Variants in EPHA6 observed in about 807,000 individuals in gnomAD.
EPHA6 encodes ephrin type-A receptor 6.
EPHA6 carries 50 observed loss-of-function variants against 112.0 expected under a neutral mutation model. That is an observed-to-expected ratio of 0.45 (90% CI 0.36 to 0.56). The LOEUF (loss-of-function observed/expected upper bound fraction) is 0.56, where lower values mean the gene tolerates loss of function less well. Ranked by LOEUF, EPHA6 falls within the 20% of genes least tolerant of loss-of-function variation. EPHA6 has a pLI of 0.00. For missense variants in EPHA6, 1,280 were observed against 1,417.4 expected (o/e 0.90, Z 1.56); for synonymous variants, 529 against 490.7 (o/e 1.08, Z -1.03).
chr3:97,251,407 G>A (rs1233766981), intron 5 of EPHA6, among the ~76,000 whole-genome samples: 2 of 151,908 alleles, frequency 1.3e-5, no homozygotes, highest in Non-Finnish European at 1.5e-5. Context: ...GCAGGCACCT[G>A]TAGTCCCAGC....
intron 5 of EPHA6, among the ~76,000 whole-genome samples, chr3:97,300,175 A>G (rs1001158873): frequency 3.3e-5 from 5 of 152,194 alleles, no homozygotes; most frequent in Non-Finnish European, 5.9e-5. Context: ...GTCGCCTTTT[A>G]TCACAAAAAT....
chr3:97,619,158 CAAA>C (rs34024498), intron 13 of EPHA6, among the ~76,000 whole-genome samples: 46,129 of 151,652 alleles, frequency 0.3, 9,938 homozygotes, highest in African/African-American at 0.57. Context: ...GAACTAAAAA[CAAA>C]AACCACATGA....
intron 13 of EPHA6, among the ~76,000 whole-genome samples, chr3:97,612,825 T>A (rs1156524234): frequency 6.6e-6 from 1 of 152,030 alleles, no homozygotes; most frequent in Non-Finnish European, 1.5e-5. Flanking sequence ...CTCATCCACC[T>A]CATACAATTA....
chr3:96,886,329 G>A lies in EPHA6; in HGVS notation c.450+19440G>A, dbSNP rs528029901. ...TCTGTCTCATTTCTTAGGTCTATGA[G>A]TAATTGTTTTATAAATTTGGGAGCT... On this transcript the variant is annotated intron_variant, in intron 2 of 17. Transcript: ENST00000389672. Among the ~76,000 whole-genome samples, 7 of 152,272 alleles carry A rather than the reference G, an allele frequency of 4.6e-5. No individual in the cohort carries two copies. In the South Asian group the frequency reaches 1.5e-3, roughly 32 times the overall value.
intron 12 of EPHA6, among the ~76,000 whole-genome samples, chr3:97,595,506 A>G (rs992838977): frequency 6.6e-6 from 1 of 152,000 alleles, no homozygotes; most frequent in Non-Finnish European, 1.5e-5. Context: ...TTAGCTGGGC[A>G]TGGTGGCGGG....
intron 3 of EPHA6, among the ~76,000 whole-genome samples, chr3:97,176,856 CT>C (rs1263961327): frequency 6.6e-6 from 1 of 150,578 alleles, no homozygotes; most frequent in Non-Finnish European, 1.5e-5. Flanking sequence ...TTTCATTGAT[CT>C]TTTGTATTTT....
rs180884012 is a variant in EPHA6, at chr3:97,244,712, A to G, written c.1606+425A>G. On this transcript the variant is annotated intron_variant, in intron 5 of 17. Coordinates refer to ENST00000389672, the MANE Select transcript of EPHA6 (RefSeq NM_001080448.3). Reference sequence around the variant, plus strand: ...ATTTTTAAAACTATAATTCATGTCTATATTATGAAAGCATTCCAACTAATA... The same window carrying G: ...ATTTTTAAAACTATAATTCATGTCTGTATTATGAAAGCATTCCAACTAATA... 174 of 182,702 alleles carry G rather than the reference A, an allele frequency of 9.5e-4. 2 individuals carry two copies. In the Admixed American group the frequency reaches 9.8e-3, roughly 10 times the overall value. 11.3% of individuals were successfully genotyped at this position (182,702 alleles called of 1,614,324 possible).
chr3:97,127,271 C>G (rs866928339), intron 3 of EPHA6, among the ~76,000 whole-genome samples: 5 of 152,120 alleles, frequency 3.3e-5, no homozygotes, highest in South Asian at 2.1e-4. Context: ...CTGCTTTGCT[C>G]TGTATTTCTG....
chr3:97,737,419 A>G (rs570815882), intron 16 of EPHA6, among the ~76,000 whole-genome samples: 13 of 152,196 alleles, frequency 8.5e-5, no homozygotes, highest in Middle Eastern at 3.4e-3. Context: ...GGGTCAGAAG[A>G]TAAGAGAATT....
chr3:96,944,091 A>T (rs1256089477), intron 2 of EPHA6, among the ~76,000 whole-genome samples: 1 of 152,140 alleles, frequency 6.6e-6, no homozygotes, highest in African/African-American at 2.4e-5. Flanking sequence ...TGTCTCAGTT[A>T]ACTCTCCATG....
intron 10 of EPHA6, among the ~76,000 whole-genome samples, chr3:97,504,995 T>C (rs2092211245): frequency 6.6e-6 from 1 of 152,144 alleles, no homozygotes; most frequent in African/African-American, 2.4e-5. Flanking sequence ...AATGCATACA[T>C]TATTTTATTT....
intron 3 of EPHA6, among the ~76,000 whole-genome samples, chr3:97,205,798 G>C (rs997860702): frequency 6.6e-6 from 1 of 152,020 alleles, no homozygotes. Flanking sequence ...TTGACCTTAG[G>C]TAGTTAACTT....
Position 97,750,898 on chromosome 3 carries a change from C to T in EPHA6, c.*2197C>T, listed in dbSNP as rs1414716088. ...AAGTAAGTGTGCCAGATATAGCTAG[C>T]CACATTTTCCAGCCATCAACCTGCA... is the stretch of plus-strand genomic sequence containing the variant. On this transcript the variant is annotated 3_prime_UTR_variant, in exon 18 of 18. Coordinates refer to ENST00000389672, the MANE Select transcript of EPHA6 (RefSeq NM_001080448.3). Among the ~76,000 whole-genome samples, 1 of 152,076 alleles carries T rather than the reference C, an allele frequency of 6.6e-6. No individual in the cohort carries two copies. Among genetic ancestry groups the T allele is most frequent in the African/African-American group, 2.4e-5 (1 of 41,400 alleles).
intron 5 of EPHA6, among the ~76,000 whole-genome samples, chr3:97,259,639 A>C (rs1409511191): frequency 1.3e-5 from 2 of 152,198 alleles, no homozygotes; most frequent in Non-Finnish European, 1.5e-5. Flanking sequence ...CTGAGGAGCA[A>C]GCATTTATTA....
intron 3 of EPHA6, among the ~76,000 whole-genome samples, chr3:97,137,616 A>AT (rs2075797974): frequency 6.6e-6 from 1 of 152,182 alleles, no homozygotes; most frequent in Admixed American, 6.5e-5. Context: ...GATGCCTTTA[A>AT]TACAAAGAAA....
At chr3:96,951,524 A>G (rs1431282772) in intron 2 of EPHA6, among the ~76,000 whole-genome samples, 1 of 152,120 alleles carries the variant, frequency 6.6e-6, no homozygotes, top group Non-Finnish European at 1.5e-5. Context: ...ATAAATCATC[A>G]TCATCATCAT....
At chr3:97,386,557 C>T (rs560822324) in intron 5 of EPHA6, among the ~76,000 whole-genome samples, 2 of 152,314 alleles carry the variant, frequency 1.3e-5, no homozygotes, top group East Asian at 1.9e-4. Context: ...GCAGCTCTGT[C>T]CCTGTGGCTT....
At chr3:96,938,653 G>A (rs1228990134) in intron 2 of EPHA6, among the ~76,000 whole-genome samples, 8 of 151,882 alleles carry the variant, frequency 5.3e-5, no homozygotes, top group Admixed American at 5.3e-4. Flanking sequence ...ATGTTGAATA[G>A]GAGTGGTGAG....
chr3:97,170,719 A>T (rs947497090), intron 3 of EPHA6, among the ~76,000 whole-genome samples: 5 of 151,700 alleles, frequency 3.3e-5, no homozygotes, highest in Non-Finnish European at 5.9e-5. Flanking sequence ...CCTGGGCGAC[A>T]GAGCGAGCCG....
Sources: gnomAD v4.1 joint callset for allele counts (sites outside exome capture counted in the v4.1 genomes callset) on GRCh38, gnomAD v4.1.1 for gene constraint, MANE v1.5 for transcripts, NCBI Gene and HGNC (gene_info 2026-07-23, HGNC 2026-07-21) for gene names.